The following GYS2 variants were observed in gnomAD, a reference collection of about 807,000 sequenced individuals.
GYS2 encodes the protein glycogen synthase 2.
In GYS2, 80 loss-of-function variants were observed where a neutral mutation model predicts 85.6. That is an observed-to-expected ratio of 0.93 (90% CI 0.78 to 1.13). The LOEUF is 1.13. Ranked by LOEUF, GYS2 falls within the 50% of genes most tolerant of loss-of-function variation. The pLI is 0.00. For missense variants in GYS2, 881 were observed against 854.9 expected (o/e 1.03, Z -0.38); for synonymous variants, 328 against 300.7 (o/e 1.09, Z -0.94).
At chr12:21,547,563 A>G (rs531957475) in intron 11 of GYS2, among the ~76,000 whole-genome samples, 1 of 152,302 alleles carries the variant, frequency 6.6e-6, no homozygotes, top group South Asian at 2.1e-4. Flanking sequence ...GACAATCTTG[A>G]AAAAGTTAAA....
chr12:21,555,051 C>T (rs904919972), intron 11 of GYS2, among the ~76,000 whole-genome samples: 2 of 152,134 alleles, frequency 1.3e-5, no homozygotes, highest in African/African-American at 4.8e-5. Context: ...ATGTGCCAGG[C>T]AGCAGACAGA....
At chr12:21,568,023 G>A (rs1944342415) in intron 5 of GYS2, among the ~76,000 whole-genome samples, 1 of 151,480 alleles carries the variant, frequency 6.6e-6, no homozygotes, top group Admixed American at 6.6e-5. Context: ...AGTGAGCTGA[G>A]ATCACGCCAC....
intron 1 of GYS2, among the ~76,000 whole-genome samples, chr12:21,602,646 T>C (rs1206001980): frequency 6.6e-6 from 1 of 151,878 alleles, no homozygotes; most frequent in Non-Finnish European, 1.5e-5. Context: ...AGGGAAATGA[T>C]AGAAAATAAG....
At chr12:21,548,249 G>T (rs1417121837) in intron 11 of GYS2, among the ~76,000 whole-genome samples, 1 of 152,102 alleles carries the variant, frequency 6.6e-6, no homozygotes, top group Admixed American at 6.6e-5. Flanking sequence ...ACAGGTTACA[G>T]ATCCAGAAAT....
intron 13 of GYS2, among the ~76,000 whole-genome samples, chr12:21,542,023 C>T (rs1943981541): frequency 6.6e-6 from 1 of 151,088 alleles, no homozygotes; most frequent in Non-Finnish European, 1.5e-5. Flanking sequence ...CATGTTGCTG[C>T]AAAGGACAGA....
chr12:21,568,959 G>A lies in GYS2; in HGVS notation c.729C>T (p.Cys243=). The A allele has an allele frequency of 6.2e-7, 1 of 1,613,662 alleles. No homozygotes were observed. ...AGERQIYHRY[C]MERASVHCAH... is the part of the protein sequence containing the mutation. ...CGCAATGAACGGAAGCTCGCTCCAT[G>A]CAGTACCGGTGGTAAATCTGCCTTT... Residue 243 remains cysteine, a synonymous_variant, in exon 5 of 16, where the codon TGC becomes TGT. Coordinates refer to ENST00000261195, the MANE Select transcript of GYS2 (RefSeq NM_021957.4).
At chr12:21,560,206 A>G (rs1944235449) in intron 8 of GYS2, among the ~76,000 whole-genome samples, 180 bp downstream of exon 8, 1 of 152,234 alleles carries the variant, frequency 6.6e-6, no homozygotes, top group Non-Finnish European at 1.5e-5. Flanking sequence ...TAACACCTAT[A>G]ATGTTATAAC....
intron 1 of GYS2, among the ~76,000 whole-genome samples, chr12:21,585,894 A>C (rs898524915): frequency 1.3e-5 from 2 of 152,218 alleles, no homozygotes; most frequent in African/African-American, 4.8e-5. Context: ...TTTCAATTGC[A>C]CGAAGGATAG....
At chr12:21,583,787 T>C (rs1353911789) in intron 1 of GYS2, among the ~76,000 whole-genome samples, 1 of 152,236 alleles carries the variant, frequency 6.6e-6, no homozygotes, top group African/African-American at 2.4e-5. Flanking sequence ...GGGTGCTTTC[T>C]GATCCATCTA....
chr12:21,572,490 G>GT (rs1234522961), intron 4 of GYS2, among the ~76,000 whole-genome samples: 3 of 152,136 alleles, frequency 2.0e-5, no homozygotes, highest in African/African-American at 7.2e-5. Flanking sequence ...TAAATTTAGT[G>GT]TGAGCATGGG....
At chr12:21,566,534 T>A (rs1479435250) in intron 5 of GYS2, among the ~76,000 whole-genome samples, 1 of 152,120 alleles carries the variant, frequency 6.6e-6, no homozygotes, top group African/African-American at 2.4e-5. Flanking sequence ...TGGTAGAACT[T>A]CCAGAGAAAG....
chr12:21,585,585 A>G (rs1307325342), intron 1 of GYS2, among the ~76,000 whole-genome samples: 1 of 151,392 alleles, frequency 6.6e-6, no homozygotes, highest in Non-Finnish European at 1.5e-5. Context: ...AAAAGACAAG[A>G]CCTGCTGAGG....
chr12:21,551,083 A>G (rs964609624), intron 11 of GYS2, among the ~76,000 whole-genome samples: 2 of 151,578 alleles, frequency 1.3e-5, no homozygotes, highest in Non-Finnish European at 2.9e-5. Context: ...ATACGTATAC[A>G]TGTGCCATGC....
intron 1 of GYS2, among the ~76,000 whole-genome samples, chr12:21,581,911 A>G (rs1022004325): frequency 6.6e-6 from 1 of 152,178 alleles, no homozygotes; most frequent in Admixed American, 6.5e-5. Flanking sequence ...AGGCTCTAAA[A>G]GAGGATTAAA....
Position 21,559,662 on chromosome 12 carries a change from A to G in GYS2, c.1218T>C (p.Asp406=), listed in dbSNP as rs754634009. The change falls in exon 9 of 16, where the codon GAT becomes GAC. Residue 406 remains aspartate, a synonymous_variant. Coordinates refer to ENST00000261195, the MANE Select transcript of GYS2 (RefSeq NM_021957.4). ...VKEKFGKKLY[D]ALLRGEIPDL... is the part of the protein sequence containing the mutation. Reference sequence around the variant, plus strand: ...TTTCAAGCACCTACCTTAATAATGCATCATAGAGTTTTTTTCCAAACTTTT... The same window carrying G: ...TTTCAAGCACCTACCTTAATAATGCGTCATAGAGTTTTTTTCCAAACTTTT... The G allele has an allele frequency of 1.9e-6, 3 of 1,565,078 alleles. No individual in the cohort carries two copies. Among genetic ancestry groups the G allele is most frequent in the African/African-American group, 2.7e-5 (2 of 74,118 alleles).
chr12:21,572,721 A>G (rs540771001), intron 4 of GYS2, among the ~76,000 whole-genome samples: 1 of 152,340 alleles, frequency 6.6e-6, no homozygotes, highest in East Asian at 1.9e-4. Flanking sequence ...TCAAAAGGGT[A>G]AAATTGTAAT....
chr12:21,593,291 A>G (rs537888915), intron 1 of GYS2, among the ~76,000 whole-genome samples: 73 of 50,774 alleles, frequency 1.4e-3, no homozygotes, highest in African/African-American at 3.2e-3. Flanking sequence ...GAACTTAATG[A>G]AATAGAGAAA....
At chr12:21,555,349 C>G (rs2136867295) in intron 11 of GYS2, among the ~76,000 whole-genome samples, 1 of 152,144 alleles carries the variant, frequency 6.6e-6, no homozygotes, top group East Asian at 1.9e-4. Context: ...ATTATTTTCA[C>G]TTTGATGGAT....
At position 21,539,239 on chromosome 12, in the gene GYS2, A is replaced by C; in HGVS notation, c.1890+19T>G. ...AAAAAGAAATATAGCTTTCAAAAAA[A>C]AATACATTGAATATTTACCGTTGGT... is the stretch of plus-strand genomic sequence containing the variant. On this transcript the variant is annotated intron_variant, in intron 15 of 15. Transcript: ENST00000261195. 7.1e-7 allele frequency: 1 copy of C among 1,407,416 alleles called. No individual in the cohort carries two copies. Among genetic ancestry groups the C allele is most frequent in the East Asian group, 2.3e-5 (1 of 43,924 alleles). 87.2% of individuals were successfully genotyped at this position (1,407,416 alleles called of 1,614,324 possible).
Sources: allele counts gnomAD v4.1 joint callset (sites outside exome capture counted in the v4.1 genomes callset), GRCh38; gene constraint gnomAD v4.1.1; transcripts MANE v1.5; gene names NCBI Gene and HGNC (gene_info 2026-07-23, HGNC 2026-07-21).